Variants in ITPRID1 observed in about 807,000 individuals in gnomAD.
ITPRID1 encodes protein ITPRID1.
ITPRID1 carries 96 observed loss-of-function variants against 95.4 expected under a neutral mutation model. That is an observed-to-expected ratio of 1.01 (90% CI 0.85 to 1.19). ITPRID1 has a LOEUF of 1.19. Ranked by LOEUF, ITPRID1 falls within the 50% of genes most tolerant of loss-of-function variation. The pLI is 0.00. For synonymous variants in ITPRID1, 510 were observed against 453.6 expected (o/e 1.12, Z -1.58); for missense variants, 1,339 against 1,252.9 (o/e 1.07, Z -1.04).
chr7:31,631,186 TA>T (rs984263457), intron 10 of ITPRID1, among the ~76,000 whole-genome samples: 4 of 151,150 alleles, frequency 2.6e-5, no homozygotes, highest in Admixed American at 6.6e-5. Context: ...GAAGAGCAGA[TA>T]AAAAAAAAGA....
At position 31,554,519 on chromosome 7, in the gene ITPRID1, T is replaced by C. The variant is rs755920022; in HGVS notation, c.208T>C (p.Phe70Leu). 1 of 1,612,966 alleles carries C rather than the reference T, an allele frequency of 6.2e-7. No homozygotes were observed. The highest frequency in any genetic ancestry group is 2.2e-5 in the East Asian group (1 of 44,780). ...TATTCAGCAGTGGCTGGACTCTGGA[T>C]TCTTGTAAGTGTTTTTGTGTGTGTG... is the stretch of plus-strand genomic sequence containing the variant. ...ESIQQWLDSGFFVSANENFQQ... is the reference protein window; with the variant it reads ...ESIQQWLDSGLFVSANENFQQ... The change falls in exon 4 of 15, where the codon TTC (phenylalanine) becomes CTC (leucine). Residue 70 changes from phenylalanine (F) to leucine (L), a missense_variant. Physicochemically the swap from Phe to Leu is conservative, Grantham distance 22 (BLOSUM62 0). Coordinates refer to ENST00000615280, the MANE Select transcript of ITPRID1 (RefSeq NM_001257967.3).
At chr7:31,657,054 C>T (rs1029826), downstream of ITPRID1, among the ~76,000 whole-genome samples, 102,529 of 136,604 alleles carry the variant, frequency 0.75, 36,966 homozygotes, top group East Asian at 0.84. Context: ...CACACACACA[C>T]GCACTATATA....
At position 31,546,397 on chromosome 7, in the gene ITPRID1, TTGTG is replaced by T. The variant is rs141172213; in HGVS notation, c.-97-3012_-97-3009del. 7.1e-3 allele frequency among the ~76,000 whole-genome samples: 1,053 copies of T among 148,962 alleles called. 14 individuals are homozygous for T. The highest frequency in any genetic ancestry group is 0.025 in the African/African-American group (1,018 of 40,794). Reference sequence around the variant, plus strand: ...AATTTTGCTTCAAAACAGAGAAATATTGTGTGTGTGTGTGTGTGTGCGTGCGCAT... The same window carrying T: ...AATTTTGCTTCAAAACAGAGAAATATTGTGTGTGTGTGTGTGCGTGCGCAT... On this transcript the variant is annotated intron_variant, in intron 1 of 14. Transcript: ENST00000615280.
chr7:31,630,188 T>C (rs1788860457), intron 10 of ITPRID1, among the ~76,000 whole-genome samples: 1 of 135,180 alleles, frequency 7.4e-6, no homozygotes, highest in Admixed American at 8.8e-5. Flanking sequence ...ATTTGTTATA[T>C]GAGTTCTAAA....
At chr7:31,646,695 A>G (rs1790496935) in intron 12 of ITPRID1, among the ~76,000 whole-genome samples, 1 of 152,060 alleles carries the variant, frequency 6.6e-6, no homozygotes, top group Non-Finnish European at 1.5e-5. Context: ...ACTTTGTCAT[A>G]TCAGCACTCC....
intron 10 of ITPRID1, among the ~76,000 whole-genome samples, chr7:31,594,877 G>A (rs944444257): frequency 3.3e-5 from 5 of 151,680 alleles, no homozygotes; most frequent in African/African-American, 9.7e-5. Context: ...AAAAAAAAAG[G>A]GGGAGCTTTT....
chr7:31,549,090 G>A (rs948466504), intron 1 of ITPRID1, among the ~76,000 whole-genome samples: 2 of 152,104 alleles, frequency 1.3e-5, no homozygotes, highest in South Asian at 2.1e-4. Context: ...GCCTCGGGCT[G>A]TTCTCCCATT....
Position 31,652,809 on chromosome 7 carries a change from G to A in ITPRID1, c.3115G>A (p.Asp1039Asn), listed in dbSNP as rs140998733. Residue 1039 changes from aspartate to asparagine, a missense_variant, in exon 15 of 15, where the codon GAT becomes AAT. Physicochemically the swap from Asp to Asn is conservative, Grantham distance 23. Transcript: ENST00000615280. Reference sequence around the variant, plus strand: ...GTCAAATTGTCCTGTTGGAGAAAAGGATGCAGATGTCTTCCTCTAGATCAG... The same window carrying A: ...GTCAAATTGTCCTGTTGGAGAAAAGAATGCAGATGTCTTCCTCTAGATCAG... ...PLSNCPVGEK[D>N]ADVFL 549 of 1,612,966 alleles carry A rather than the reference G, an allele frequency of 3.4e-4. 1 individual carries two copies. The Middle Eastern group carries it at 6.8e-3, about 20-fold the overall frequency.
chr7:31,569,006 C>T (rs1019147020), intron 5 of ITPRID1, among the ~76,000 whole-genome samples: 1 of 152,154 alleles, frequency 6.6e-6, no homozygotes, highest in Non-Finnish European at 1.5e-5. Flanking sequence ...GTGAGAATTA[C>T]AAGAGAATGT....
chr7:31,544,358 C>T (rs1173193168), intron 1 of ITPRID1, among the ~76,000 whole-genome samples: 1 of 152,056 alleles, frequency 6.6e-6, no homozygotes, highest in Non-Finnish European at 1.5e-5. Flanking sequence ...CAGAAGATGA[C>T]CTGTTATTTT....
intron 10 of ITPRID1, among the ~76,000 whole-genome samples, chr7:31,626,101 C>G (rs1482418031): frequency 6.6e-6 from 1 of 152,138 alleles, no homozygotes; most frequent in African/African-American, 2.4e-5. Flanking sequence ...GGGTTGTAAA[C>G]TTGGCAAAAA....
At chr7:31,540,572 C>T (rs1245336951) in intron 1 of ITPRID1, among the ~76,000 whole-genome samples, 5 of 152,238 alleles carry the variant, frequency 3.3e-5, no homozygotes, top group African/African-American at 1.2e-4. Flanking sequence ...CATGGTAGGA[C>T]TGGTTTGCTT....
intron 10 of ITPRID1, among the ~76,000 whole-genome samples, chr7:31,624,902 C>T (rs1171572800): frequency 2.0e-5 from 3 of 152,134 alleles, no homozygotes; most frequent in Admixed American, 6.5e-5. Context: ...CCAGAATCTA[C>T]AATGAACTCA....
intron 1 of ITPRID1, 91 bp from the exon 2 acceptor site, chr7:31,549,335 C>T: frequency 1.1e-6 from 1 of 890,204 alleles, no homozygotes; most frequent in Admixed American, 3.6e-5. Context: ...AATTTCAAGA[C>T]AACACAGGCT....
intron 13 of ITPRID1, 146 bp from the exon 14 acceptor site, chr7:31,651,793 T>A: frequency 3.6e-6 from 2 of 563,044 alleles, no homozygotes; most frequent in Non-Finnish European, 6.4e-6. Context: ...GAAGACAACC[T>A]TAGTAATGTC....
At chr7:31,544,578 C>T (rs996033247) in intron 1 of ITPRID1, among the ~76,000 whole-genome samples, 12 of 152,074 alleles carry the variant, frequency 7.9e-5, no homozygotes, top group Admixed American at 2.0e-4. Context: ...AAATAAACAA[C>T]GTTCTCCTTT....
At chr7:31,540,983 T>C (rs1018110671) in intron 1 of ITPRID1, among the ~76,000 whole-genome samples, 3 of 152,194 alleles carry the variant, frequency 2.0e-5, no homozygotes, top group South Asian at 2.1e-4. Flanking sequence ...GTTTTTCCAG[T>C]TGTGCCCTGT....
At chr7:31,619,789 T>C (rs112008150) in intron 10 of ITPRID1, among the ~76,000 whole-genome samples, 20,866 of 152,122 alleles carry the variant, frequency 0.14, 1,669 homozygotes, top group African/African-American at 0.2. Context: ...ATGCACAAGC[T>C]GAAGCAGCGC....
At position 31,519,620 on chromosome 7, in the gene ITPRID1, CTATATA is replaced by C. The variant is rs750544823; in HGVS notation, c.-98+5521_-98+5526del. ...TCTCTCTCTCTCTCTCTCTCTCTCT[CTATATA>C]TATATATATATATATATATAAATCT... On this transcript the variant is annotated intron_variant, in intron 1 of 14. Transcript: ENST00000615280. 7.3e-3 allele frequency among the ~76,000 whole-genome samples: 185 copies of C among 25,248 alleles called. 8 individuals carry two copies. The highest frequency in any genetic ancestry group is 0.023 in the Middle Eastern group (1 of 44). The allele number at this position is 25,248 out of a possible 152,430, so 16.6% of individuals were successfully genotyped here. A position where few individuals can be genotyped will look rare whatever the true frequency, so the allele number is the denominator to read the frequency against.
Sources: gnomAD v4.1 joint callset for allele counts (sites outside exome capture counted in the v4.1 genomes callset) on GRCh38, gnomAD v4.1.1 for gene constraint, MANE v1.5 for transcripts, NCBI Gene and HGNC (gene_info 2026-07-23, HGNC 2026-07-21) for gene names.